The following FAM178B variants were observed in gnomAD, a reference collection of about 807,000 sequenced individuals.
FAM178B encodes the protein family with sequence similarity 178 member B.
In FAM178B, 82 loss-of-function variants were observed where a neutral mutation model predicts 91.7. The observed-to-expected ratio is 0.89, with a 90% confidence interval of 0.75 to 1.07. The LOEUF is 1.07. Ranked by LOEUF, FAM178B falls within the 50% of genes least tolerant of loss-of-function variation. The probability of loss-of-function intolerance (pLI) is 0.00; values close to 1 mark genes in which losing one functional copy is unlikely to be tolerated. For missense variants in FAM178B, 769 were observed against 846.7 expected, an observed-to-expected ratio of 0.91 and a Z score of 1.14; for synonymous variants, 368 against 359.4, an observed-to-expected ratio of 1.02 and a Z score of -0.27.
At position 96,929,232 on chromosome 2, in the gene FAM178B, A is replaced by G. The variant is rs1374074273; in HGVS notation, c.1167T>C (p.Pro389=). Residue 389 remains proline (P), a synonymous_variant, in exon 9 of 17, where the codon CCT becomes CCC. Transcript: ENST00000490605. ...TGCCACCGTGCCAAAAGGGCCCCAGAGGGTACAGGGCAGGACTGTGGGCAC... is the reference window on the plus strand; with the variant it reads ...TGCCACCGTGCCAAAAGGGCCCCAGGGGGTACAGGGCAGGACTGTGGGCAC... The part of the protein sequence containing the change: ...SLGAHSPALY[P]LGPFWHGGRV... 34 of 1,551,376 alleles carry G rather than the reference A, an allele frequency of 2.2e-5. No individual in the cohort carries two copies. The highest frequency in any genetic ancestry group is 3.9e-5 in the Admixed American group (2 of 50,950).
At chr2:96,900,410 C>T (rs984274880) in intron 13 of FAM178B, among the ~76,000 whole-genome samples, 1 of 152,186 alleles carries the variant, frequency 6.6e-6, no homozygotes, top group Non-Finnish European at 1.5e-5. Flanking sequence ...CTTCCACAAG[C>T]GTGCACTGCC....
At position 96,886,964 on chromosome 2, in the gene FAM178B, C is replaced by T. The variant is rs377232426; in HGVS notation, c.1776+6962G>A. 2.4e-4 allele frequency among the ~76,000 whole-genome samples: 36 copies of T among 152,306 alleles called. 1 individual carries two copies. In the East Asian group the frequency reaches 3.9e-3, roughly 16 times the overall value. Reference sequence around the variant, plus strand: ...GCGCGGTGGCTCACGCCTGTAATCCCAGCACTTTGGGAGGCAGAGGCGGGC... The same window carrying T: ...GCGCGGTGGCTCACGCCTGTAATCCTAGCACTTTGGGAGGCAGAGGCGGGC... On this transcript the variant is annotated intron_variant, in intron 14 of 16. Transcript: ENST00000490605.
chr2:96,900,656 G>T (rs1418754978), intron 13 of FAM178B, among the ~76,000 whole-genome samples: 1 of 152,152 alleles, frequency 6.6e-6, no homozygotes, highest in Non-Finnish European at 1.5e-5. Context: ...CCTTGCAGAG[G>T]TGACATTTTG....
intron 8 of FAM178B, among the ~76,000 whole-genome samples, chr2:96,946,250 CT>C (rs1280163625): frequency 2.0e-5 from 3 of 152,018 alleles, no homozygotes. Flanking sequence ...AATTTCCTTC[CT>C]TTTTTAAGGC....
intron 12 of FAM178B, among the ~76,000 whole-genome samples, chr2:96,911,129 C>T (rs1209832302): frequency 2.0e-5 from 3 of 152,108 alleles, no homozygotes; most frequent in Non-Finnish European, 4.4e-5. Context: ...CCTCCAGAAG[C>T]AGACAAAGCA....
chr2:96,910,681 G>C (rs911556287), intron 12 of FAM178B, among the ~76,000 whole-genome samples: 1 of 152,150 alleles, frequency 6.6e-6, no homozygotes, highest in Non-Finnish European at 1.5e-5. Context: ...AAGCTCTGAG[G>C]GGAGCCCCTG....
chr2:96,888,367 G>C (rs865902147), intron 14 of FAM178B, among the ~76,000 whole-genome samples: 5 of 152,268 alleles, frequency 3.3e-5, no homozygotes, highest in African/African-American at 9.6e-5. Flanking sequence ...GGAAGAGACA[G>C]ACACTTCCAG....
In FAM178B at chr2:96,903,109, G is replaced by A. The variant is rs368577899; in HGVS notation, c.1563-402C>T. Reference sequence around the variant, plus strand: ...GGCTGGAGTGCAGTGGCACAATCTCGGCTCACTGCAAGCTCCGCCTCCCGG... The same window carrying A: ...GGCTGGAGTGCAGTGGCACAATCTCAGCTCACTGCAAGCTCCGCCTCCCGG... On this transcript the variant is annotated intron_variant, in intron 12 of 16. Coordinates refer to ENST00000490605, the MANE Select transcript of FAM178B (RefSeq NM_001122646.3). Among the ~76,000 whole-genome samples, 115 of 152,170 alleles carry A rather than the reference G, an allele frequency of 7.6e-4. 5 individuals are homozygous for A. The South Asian group carries it at 0.022, about 29-fold the overall frequency.
At chr2:96,977,407 AAAC>A (rs2082305461) in intron 1 of FAM178B, among the ~76,000 whole-genome samples, 2 of 150,152 alleles carry the variant, frequency 1.3e-5, no homozygotes, top group Admixed American at 6.6e-5. Context: ...AAAAAAAGAA[AAAC>A]AACAACAAAA....
intron 12 of FAM178B, among the ~76,000 whole-genome samples, chr2:96,912,812 C>A (rs1489413461): frequency 6.6e-6 from 1 of 152,180 alleles, no homozygotes; most frequent in African/African-American, 2.4e-5. Flanking sequence ...CTTCTGAAAT[C>A]TCCAGGTTGA....
At chr2:96,898,821 C>T (rs558048114) in intron 13 of FAM178B, among the ~76,000 whole-genome samples, 59 of 152,316 alleles carry the variant, frequency 3.9e-4, no homozygotes, top group African/African-American at 1.4e-3. Flanking sequence ...GGAGCTGCCA[C>T]TACTGCGGGT....
intron 10 of FAM178B, 107 bp from the exon 11 acceptor site, chr2:96,921,761 A>G: frequency 8.5e-7 from 1 of 1,171,116 alleles, no homozygotes; most frequent in African/African-American, 1.5e-5. Context: ...TGGTACTGTG[A>G]GCCCCGCGGC....
intron 14 of FAM178B, among the ~76,000 whole-genome samples, chr2:96,879,080 G>A (rs1448573643): frequency 6.6e-6 from 1 of 152,198 alleles, no homozygotes; most frequent in Non-Finnish European, 1.5e-5. Context: ...TGATCTTGAG[G>A]CACCCCTGGA....
chr2:96,940,323 T>C (rs1292001946), intron 8 of FAM178B, among the ~76,000 whole-genome samples: 1 of 152,172 alleles, frequency 6.6e-6, no homozygotes, highest in Non-Finnish European at 1.5e-5. Flanking sequence ...AGACGCGACC[T>C]GCAGATGAGA....
chr2:96,939,717 G>A (rs897787433), intron 8 of FAM178B, among the ~76,000 whole-genome samples: 3 of 152,110 alleles, frequency 2.0e-5, no homozygotes, highest in African/African-American at 4.8e-5. Flanking sequence ...GACCACAGAG[G>A]AGATGGCACG....
At chr2:96,893,610 C>T (rs2080734763) in intron 14 of FAM178B, among the ~76,000 whole-genome samples, 1 of 152,038 alleles carries the variant, frequency 6.6e-6, no homozygotes, top group Admixed American at 6.5e-5. Flanking sequence ...CCTGCATCCT[C>T]CCTAAACCAT....
chr2:96,940,010 G>C (rs1267270915), intron 8 of FAM178B, among the ~76,000 whole-genome samples: 1 of 152,138 alleles, frequency 6.6e-6, no homozygotes, highest in Non-Finnish European at 1.5e-5. Context: ...ACTTTGAAAG[G>C]ACTATGCCAA....
intron 5 of FAM178B, among the ~76,000 whole-genome samples, chr2:96,966,980 G>A (rs2082151179): frequency 6.6e-6 from 1 of 152,152 alleles, no homozygotes; most frequent in African/African-American, 2.4e-5. Context: ...TGTTCTAGCA[G>A]CCCCAACAGA....
chr2:96,952,202 C>T (rs2081939427), intron 6 of FAM178B, among the ~76,000 whole-genome samples: 2 of 152,306 alleles, frequency 1.3e-5, no homozygotes, highest in East Asian at 1.9e-4. Context: ...GCCAGCGTCT[C>T]GCGATCTGGT....
Sources: allele counts gnomAD v4.1 joint callset (sites outside exome capture counted in the v4.1 genomes callset), GRCh38; gene constraint gnomAD v4.1.1; transcripts MANE v1.5; gene names NCBI Gene and HGNC (gene_info 2026-07-23, HGNC 2026-07-21).